ZNF57: variants seen among roughly 807,000 people sequenced by gnomAD.
ZNF57 encodes zinc finger protein 57.
In ZNF57, 11 loss-of-function variants were observed where a neutral mutation model predicts 13.4. That is an observed-to-expected ratio of 0.82 (90% CI 0.52 to 1.36). ZNF57 has a LOEUF of 1.36. Ranked by LOEUF, ZNF57 falls within the 40% of genes most tolerant of loss-of-function variation. ZNF57 has a pLI of 0.00. For synonymous variants in ZNF57, 224 were observed against 238.5 expected (o/e 0.94, Z 0.56); for missense variants, 696 against 667.5 (o/e 1.04, Z -0.47).
intron 1 of ZNF57, among the ~76,000 whole-genome samples, chr19:2,903,273 G>C (rs758411194): frequency 0.03 from 4,525 of 152,144 alleles, 101 homozygotes; most frequent in Middle Eastern, 0.1. Context: ...GTACAGTGGC[G>C]TGATCTCCAC....
Position 2,910,522 on chromosome 19 carries a change from G to A in ZNF57, c.4-5000G>A, listed in dbSNP as rs1313637538. ...GTTTCCCAGGCTGGAGTGCAGTGGCGCGATCTCTGCTCACTGCAAGCGCCG... is the reference window on the plus strand; with the variant it reads ...GTTTCCCAGGCTGGAGTGCAGTGGCACGATCTCTGCTCACTGCAAGCGCCG... On this transcript the variant is annotated intron_variant, in intron 1 of 3. Coordinates refer to ENST00000306908, the MANE Select transcript of ZNF57 (RefSeq NM_173480.3). 2.8e-5 allele frequency among the ~76,000 whole-genome samples: 2 copies of A among 70,388 alleles called. 1 individual carries two copies. The highest frequency in any genetic ancestry group is 6.2e-5 in the Non-Finnish European group (2 of 32,072). The allele number at this position is 70,388 out of a possible 152,430, so 46.2% of individuals were successfully genotyped here.
At chr19:2,915,368 G>A (rs919784938) in intron 1 of ZNF57, 154 bp from the exon 2 acceptor site, 1 of 983,298 alleles carries the variant, frequency 1.0e-6, no homozygotes, top group Admixed American at 2.8e-5. Context: ...AGTTTACTAG[G>A]AAGTGATTGT....
At chr19:2,911,675 C>G (rs565383738) in intron 1 of ZNF57, among the ~76,000 whole-genome samples, 2 of 152,154 alleles carry the variant, frequency 1.3e-5, no homozygotes, top group Admixed American at 6.6e-5. Context: ...CATGAGCCAC[C>G]GCACCCAACC....
rs767257809 is a variant in ZNF57 at position 2,916,945 on chromosome 19, C to G, written c.324C>G (p.Phe108Leu). ...KNLRNHMVDR[F>L]CTHNEGNQYG... is the part of the protein sequence containing the mutation. ...ACAGAAATCATATGGTGGACAGATT[C>G]TGTACACATAATGAAGGTAATCAAT... Residue 108 changes from phenylalanine (F) to leucine (L), a missense_variant, in exon 4 of 4, where the codon TTC (phenylalanine) becomes TTG (leucine). Transcript: ENST00000306908. The G allele has an allele frequency of 6.9e-6, 11 of 1,602,298 alleles. No individual in the cohort carries two copies. The African/African-American group carries it at 9.4e-5, about 14-fold the overall frequency.
rs1231127181 is a variant in ZNF57, at chr19:2,901,064, G to C, written c.3+16G>C. On this transcript the variant is annotated intron_variant, in intron 1 of 3. Coordinates refer to ENST00000306908, the MANE Select transcript of ZNF57 (RefSeq NM_173480.3). Reference sequence around the variant, plus strand: ...GGGAGACATGGTGAGTGCGAGGCAGGAGCAGAGCCAGGGGACGGTCGGAGC... The same window carrying C: ...GGGAGACATGGTGAGTGCGAGGCAGCAGCAGAGCCAGGGGACGGTCGGAGC... The C allele has an allele frequency of 1.3e-6, 2 of 1,556,754 alleles. No homozygotes were observed. The highest frequency in any genetic ancestry group is 1.4e-5 in the African/African-American group (1 of 73,624).
chr19:2,909,293 T>C (rs182306373), intron 1 of ZNF57, among the ~76,000 whole-genome samples: 41 of 135,524 alleles, frequency 3.0e-4, no homozygotes, highest in African/African-American at 1.1e-3. Flanking sequence ...TTTTTTTTTT[T>C]TTTTTGAGAC....
intron 1 of ZNF57, among the ~76,000 whole-genome samples, chr19:2,913,224 T>C (rs1005545277): frequency 2.6e-5 from 4 of 152,184 alleles, no homozygotes; most frequent in Non-Finnish European, 5.9e-5. Context: ...AGATGACAGG[T>C]GTGAGCCACT....
In ZNF57 at chr19:2,916,137, G is replaced by GA; in HGVS notation, c.195dup (p.Ser66IlefsTer2). The GA allele has an allele frequency of 6.2e-7, 1 of 1,613,772 alleles. No individual in the cohort carries two copies. Among genetic ancestry groups the GA allele is most frequent in the Non-Finnish European group, 8.5e-7 (1 of 1,179,940 alleles). ...TTCTCTGCAGGATATGTACGGGCAA[G>GA]AAAAATCTAAGGAACAGACAATACC... is the stretch of plus-strand genomic sequence containing the variant. On this transcript the variant is annotated frameshift_variant, in exon 3 of 4. Transcript: ENST00000306908. LOFTEE classifies it high-confidence loss of function.
At chr19:2,906,610 C>G (rs891596467) in intron 1 of ZNF57, among the ~76,000 whole-genome samples, 4 of 152,216 alleles carry the variant, frequency 2.6e-5, no homozygotes, top group Non-Finnish European at 5.9e-5. Flanking sequence ...AAGAAACAGT[C>G]CAAAGCCACA....
intron 2 of ZNF57, 21 bp from the exon 3 acceptor site, chr19:2,916,057 T>G (rs773302390): frequency 1.9e-6 from 3 of 1,601,796 alleles, no homozygotes; most frequent in Non-Finnish European, 2.6e-6. Context: ...CTTTTGAGAT[T>G]TGTTTACTTT....
intron 1 of ZNF57, chr19:2,907,287 A>T (rs1473262534): frequency 6.6e-6 from 1 of 152,134 alleles, no homozygotes; most frequent in Middle Eastern, 3.2e-3. Flanking sequence ...AACGACCAGA[A>T]ATATGAACAA....
intron 1 of ZNF57, among the ~76,000 whole-genome samples, chr19:2,911,962 G>C (rs554853407): frequency 2.0e-5 from 3 of 152,196 alleles, no homozygotes; most frequent in African/African-American, 7.2e-5. Flanking sequence ...GAGGGGTTCT[G>C]CTTTATCTCT....
At position 2,916,064 on chromosome 19, in the gene ZNF57, CT is replaced by C. The variant is rs2088190542; in HGVS notation, c.131-8del. The C allele has an allele frequency of 1.2e-6, 2 of 1,603,250 alleles. No homozygotes were observed. Among genetic ancestry groups the C allele is most frequent in the Non-Finnish European group, 8.5e-7 (1 of 1,175,836 alleles). Reference sequence around the variant, plus strand: ...TCTTATTCCTTTTGAGATTTGTTTACTTTTTTGTTGCAGATGATGGGACTCA... The same window carrying C: ...TCTTATTCCTTTTGAGATTTGTTTACTTTTTGTTGCAGATGATGGGACTCA... On this transcript the variant is annotated splice_polypyrimidine_tract_variant and intron_variant, in intron 2 of 3. Coordinates refer to ENST00000306908, the MANE Select transcript of ZNF57 (RefSeq NM_173480.3).
intron 1 of ZNF57, among the ~76,000 whole-genome samples, chr19:2,901,760 G>A (rs1395734701): frequency 6.6e-6 from 1 of 152,008 alleles, no homozygotes; most frequent in Non-Finnish European, 1.5e-5. Context: ...CTTGTGATCC[G>A]CCCGCCTCGG....
chr19:2,917,753 A>T lies in ZNF57; in HGVS notation c.1132A>T (p.Thr378Ser). ...QCGKAFTWSS[T>S]FREHVRIHTQ... ...TGGGAAAGCCTTCACTTGGTCCTCA[A>T]CGTTTAGAGAACATGTGAGAATTCA... The change falls in exon 4 of 4, where the codon ACG becomes TCG. Residue 378 changes from threonine (T) to serine (S), a missense_variant. Thr to Ser is a moderately conservative substitution (Grantham distance 58). This residue lies in a region of ZNF57 where 645 missense variants were observed against 591.5 expected (regional missense o/e 1.09). Coordinates refer to ENST00000306908, the MANE Select transcript of ZNF57 (RefSeq NM_173480.3). The T allele has an allele frequency of 6.2e-7, 1 of 1,613,644 alleles. No individual in the cohort carries two copies. The highest frequency in any genetic ancestry group is 8.5e-7 in the Non-Finnish European group (1 of 1,179,886).
chr19:2,915,796 C>T (rs563815087), intron 2 of ZNF57, 148 bp downstream of exon 2: 2 of 1,290,402 alleles, frequency 1.5e-6, no homozygotes, highest in Admixed American at 1.9e-5. Flanking sequence ...TATTCCCTAA[C>T]AGTGAAAACA....
At chr19:2,909,275 A>ATTTTTTT (rs1258331033) in intron 1 of ZNF57, among the ~76,000 whole-genome samples, 24 of 103,824 alleles carry the variant, frequency 2.3e-4, no homozygotes, top group East Asian at 6.7e-4. Context: ...TATTTTATTT[A>ATTTTTTT]TTTTTGTTTT....
chr19:2,902,024 G>A (rs1426891972), intron 1 of ZNF57, among the ~76,000 whole-genome samples: 1 of 151,872 alleles, frequency 6.6e-6, no homozygotes, highest in Admixed American at 6.6e-5. Context: ...ATTGTCACAA[G>A]GGCGGGGTAC....
intron 1 of ZNF57, among the ~76,000 whole-genome samples, chr19:2,909,151 A>T (rs1029252265): frequency 6.6e-6 from 1 of 152,062 alleles, no homozygotes; most frequent in African/African-American, 2.4e-5. Context: ...TGCTGCTGTG[A>T]ACATTTGGGT....
Sources: allele counts gnomAD v4.1 joint callset (sites outside exome capture counted in the v4.1 genomes callset), GRCh38; gene constraint gnomAD v4.1.1; regional missense constraint gnomAD v4.1.1; transcripts MANE v1.5; gene names NCBI Gene and HGNC (gene_info 2026-07-23, HGNC 2026-07-21).